HS3ST5: variants seen among roughly 807,000 people sequenced by gnomAD.
HS3ST5 encodes heparan sulfate-glucosamine 3-sulfotransferase 5, also known as heparan sulfate glucosamine 3-O-sulfotransferase 5.
Under a neutral mutation model 25.4 loss-of-function variants are expected in HS3ST5, and 10 were observed. That is an observed-to-expected ratio of 0.39 (90% confidence interval 0.24 to 0.67). The LOEUF (loss-of-function observed/expected upper bound fraction) is 0.67. Among genes scored for constraint, HS3ST5 ranks in the 30% least tolerant of loss-of-function variants. HS3ST5 has a pLI of 0.44. For synonymous variants in HS3ST5, 170 were observed against 162.4 expected (o/e 1.05, Z -0.36); for missense variants, 324 against 420.7 (o/e 0.77, Z 2.01).
At chr6:114,065,264 T>C (rs1325468498) in intron 3 of HS3ST5, among the ~76,000 whole-genome samples, 1 of 152,192 alleles carries the variant, frequency 6.6e-6, no homozygotes, top group Non-Finnish European at 1.5e-5. Context: ...TGACAGATAA[T>C]GTGAAGACAA....
intron 3 of HS3ST5, among the ~76,000 whole-genome samples, chr6:114,123,713 A>G (rs1776903505): frequency 6.6e-6 from 1 of 152,198 alleles, no homozygotes; most frequent in African/African-American, 2.4e-5. Context: ...AGTGGGTCCT[A>G]TAGCTATGAA....
At chr6:114,152,179 C>T (rs541543945) in intron 3 of HS3ST5, among the ~76,000 whole-genome samples, 4 of 152,104 alleles carry the variant, frequency 2.6e-5, no homozygotes, top group Non-Finnish European at 5.9e-5. Context: ...ACTTCGGCCT[C>T]CCAAAGTGCT....
rs185144633 is a variant in HS3ST5, at chr6:114,295,389, G to A, written c.-339+46806C>T. ...GGCTCCCTTCTCCAAAAGAGATAAA[G>A]CACTTGACATAGGGTGAGGGTAATA... is the stretch of plus-strand genomic sequence containing the variant. On this transcript the variant is annotated intron_variant, in intron 1 of 4. Transcript: ENST00000312719. 3.9e-5 allele frequency among the ~76,000 whole-genome samples: 6 copies of A among 152,278 alleles called. No individual in the cohort carries two copies. The East Asian group carries it at 1.2e-3, about 29-fold the overall frequency.
At chr6:114,138,506 TAGG>T (rs1777747054) in intron 3 of HS3ST5, among the ~76,000 whole-genome samples, 1 of 152,176 alleles carries the variant, frequency 6.6e-6, no homozygotes, top group African/African-American at 2.4e-5. Flanking sequence ...AACCCAGCGT[TAGG>T]AGAAGCTGAG....
chr6:114,314,526 C>A (rs1340493132), intron 1 of HS3ST5, among the ~76,000 whole-genome samples: 1 of 152,020 alleles, frequency 6.6e-6, no homozygotes, highest in East Asian at 1.9e-4. Flanking sequence ...TTTGAAAAAA[C>A]AAAAATGAGC....
chr6:114,228,949 T>C (rs1771439340), intron 1 of HS3ST5, among the ~76,000 whole-genome samples, 171 bp from the exon 2 acceptor site: 1 of 152,266 alleles, frequency 6.6e-6, no homozygotes, highest in South Asian at 2.1e-4. Flanking sequence ...CAGAATTACA[T>C]GATGCTGCCT....
intron 1 of HS3ST5, among the ~76,000 whole-genome samples, chr6:114,286,634 T>TA (rs1369173867): frequency 9.9e-5 from 15 of 152,028 alleles, no homozygotes; most frequent in Non-Finnish European, 1.8e-4. Flanking sequence ...AGAAAATTGT[T>TA]AAAATCTATC....
Position 114,279,897 on chromosome 6 carries a change from C to G in HS3ST5, c.-338-51119G>C, listed in dbSNP as rs186643382. On this transcript the variant is annotated intron_variant, in intron 1 of 4. Transcript: ENST00000312719. Reference sequence around the variant, plus strand: ...AAGTGGTAGAAACATCATGGTGAATCCTGCTCCCTGACCTCCAATATTATG... The same window carrying G: ...AAGTGGTAGAAACATCATGGTGAATGCTGCTCCCTGACCTCCAATATTATG... Among the ~76,000 whole-genome samples, 311 of 152,030 alleles carry G rather than the reference C, an allele frequency of 2.0e-3. 1 individual carries two copies. The highest frequency in any genetic ancestry group is 7.1e-3 in the African/African-American group (296 of 41,530).
intron 1 of HS3ST5, among the ~76,000 whole-genome samples, chr6:114,308,907 G>A (rs1327211254): frequency 6.6e-6 from 1 of 152,220 alleles, no homozygotes; most frequent in African/African-American, 2.4e-5. Context: ...TGCTCTCAGA[G>A]CCAAGCAGGT....
intron 1 of HS3ST5, among the ~76,000 whole-genome samples, chr6:114,268,542 C>T (rs1201627370): frequency 1.3e-5 from 2 of 152,122 alleles, no homozygotes; most frequent in Non-Finnish European, 2.9e-5. Flanking sequence ...TGAGCGCTGA[C>T]CAATTATCAT....
At chr6:114,072,081 C>T (rs1773856948) in intron 3 of HS3ST5, among the ~76,000 whole-genome samples, 1 of 152,130 alleles carries the variant, frequency 6.6e-6, no homozygotes, top group Non-Finnish European at 1.5e-5. Flanking sequence ...CTACATTGCA[C>T]CACTCTGCCT....
At chr6:114,198,245 G>T (rs546767477) in intron 2 of HS3ST5, among the ~76,000 whole-genome samples, 2 of 151,810 alleles carry the variant, frequency 1.3e-5, no homozygotes, top group Admixed American at 1.3e-4. Flanking sequence ...TAAAGAAAAA[G>T]GAATCTTTAA....
chr6:114,294,430 A>G (rs923290292), intron 1 of HS3ST5, among the ~76,000 whole-genome samples: 22 of 151,192 alleles, frequency 1.5e-4, no homozygotes, highest in African/African-American at 5.4e-4. Flanking sequence ...GGCTAAGGTC[A>G]AGGTTAGAAA....
chr6:114,252,208 A>C (rs916834859), intron 1 of HS3ST5, among the ~76,000 whole-genome samples: 2 of 152,038 alleles, frequency 1.3e-5, no homozygotes, highest in African/African-American at 4.8e-5. Context: ...CTATGCCTTC[A>C]TGCAGATTAT....
At chr6:114,277,459 A>T (rs539667070) in intron 1 of HS3ST5, among the ~76,000 whole-genome samples, 25 of 148,998 alleles carry the variant, frequency 1.7e-4, no homozygotes, top group African/African-American at 5.9e-4. Context: ...TTACTTTTGC[A>T]CCAACCTAAT....
chr6:114,132,646 G>A (rs553658957), intron 3 of HS3ST5, among the ~76,000 whole-genome samples: 6 of 152,158 alleles, frequency 3.9e-5, no homozygotes, highest in Non-Finnish European at 7.4e-5. Context: ...AAAGGTTTTG[G>A]CCAGATATAA....
chr6:114,086,860 A>G (rs551084650), intron 3 of HS3ST5, among the ~76,000 whole-genome samples: 2 of 152,326 alleles, frequency 1.3e-5, no homozygotes, highest in East Asian at 3.9e-4. Context: ...AGATAATGCA[A>G]TTGAGTTTGC....
chr6:114,278,860 C>T (rs747830352), intron 1 of HS3ST5, among the ~76,000 whole-genome samples: 1 of 152,024 alleles, frequency 6.6e-6, no homozygotes, highest in Non-Finnish European at 1.5e-5. Context: ...TTCTCCACAG[C>T]AAACGACAGA....
intron 2 of HS3ST5, among the ~76,000 whole-genome samples, chr6:114,197,129 T>TTTC (rs1491410172): frequency 4.7e-5 from 3 of 64,266 alleles, no homozygotes; most frequent in Admixed American, 1.3e-4. Flanking sequence ...TCTTTCTTTC[T>TTTC]TTTTTTTTTT....
Sources: allele counts gnomAD v4.1 joint callset (sites outside exome capture counted in the v4.1 genomes callset), GRCh38; gene constraint gnomAD v4.1.1; transcripts MANE v1.5; gene names NCBI Gene and HGNC (gene_info 2026-07-23, HGNC 2026-07-21).